Variants in MACROD2 observed in about 807,000 individuals in gnomAD.
MACROD2 encodes the protein mono-ADP ribosylhydrolase 2.
In MACROD2, 36 loss-of-function variants were observed where a neutral mutation model predicts 70.4. That is an observed-to-expected ratio of 0.51 (90% CI 0.39 to 0.68). The LOEUF (loss-of-function observed/expected upper bound fraction) is 0.68. MACROD2 is among the 30% of genes least tolerant of loss of function. The pLI, the probability that MACROD2 is intolerant of heterozygous loss-of-function variation, is 0.00. For missense variants in MACROD2, 496 were observed against 538.4 expected (o/e 0.92, Z 0.78); for synonymous variants, 172 against 178.8 (o/e 0.96, Z 0.30).
At chr20:15,609,427 A>G (rs1403415976) in intron 8 of MACROD2, among the ~76,000 whole-genome samples, 1 of 152,242 alleles carries the variant, frequency 6.6e-6, no homozygotes, top group African/African-American at 2.4e-5. Flanking sequence ...AGCTCACAGC[A>G]ATATTGGAAA....
At chr20:14,510,985 G>A (rs1383288149) in intron 4 of MACROD2, among the ~76,000 whole-genome samples, 2 of 151,930 alleles carry the variant, frequency 1.3e-5, no homozygotes, top group Non-Finnish European at 1.5e-5. Context: ...CTGCAGGTTG[G>A]TAAATGTTTT....
intron 3 of MACROD2, among the ~76,000 whole-genome samples, chr20:14,215,889 A>G (rs1477021956): frequency 6.6e-6 from 1 of 151,814 alleles, no homozygotes; most frequent in African/African-American, 2.4e-5. Flanking sequence ...ATTTGAGTTC[A>G]TTGGATATTA....
At chr20:15,280,652 T>C (rs2077435742) in intron 6 of MACROD2, 1 of 152,226 alleles carries the variant, frequency 6.6e-6, no homozygotes, top group African/African-American at 2.4e-5. Context: ...CACAAGTTAT[T>C]TCCTTGGTCT....
At chr20:14,147,902 C>T (rs866055664) in intron 3 of MACROD2, among the ~76,000 whole-genome samples, 1 of 151,648 alleles carries the variant, frequency 6.6e-6, no homozygotes, top group Non-Finnish European at 1.5e-5. Context: ...TATGCAAGTA[C>T]AGTGTCTGAA....
At chr20:15,859,138 T>C (rs1395588932) in intron 8 of MACROD2, among the ~76,000 whole-genome samples, 1 of 152,078 alleles carries the variant, frequency 6.6e-6, no homozygotes, top group Non-Finnish European at 1.5e-5. Flanking sequence ...AGAGAAAATA[T>C]ATTTACTGTT....
intron 6 of MACROD2, chr20:15,281,005 C>G (rs2077438964): frequency 6.6e-6 from 1 of 152,256 alleles, no homozygotes; most frequent in Non-Finnish European, 1.5e-5. Flanking sequence ...GCAGAAGGCA[C>G]AGGAGAAGTA....
intron 8 of MACROD2, among the ~76,000 whole-genome samples, chr20:15,697,183 G>T (rs1384696432): frequency 6.6e-6 from 1 of 152,066 alleles, no homozygotes; most frequent in Non-Finnish European, 1.5e-5. Flanking sequence ...TTTGATGAAG[G>T]CATTTAGGGC....
intron 4 of MACROD2, among the ~76,000 whole-genome samples, chr20:14,583,030 C>G (rs555586263): frequency 5.5e-4 from 83 of 151,454 alleles, no homozygotes; most frequent in African/African-American, 1.9e-3. Context: ...TGATGCAACT[C>G]TCTTGTCTGA....
intron 5 of MACROD2, among the ~76,000 whole-genome samples, chr20:15,225,479 A>G (rs1197689969): frequency 2.0e-5 from 3 of 152,192 alleles, no homozygotes; most frequent in Admixed American, 6.5e-5. Context: ...CCATCTTCAT[A>G]GTTTCTGTCA....
intron 5 of MACROD2, among the ~76,000 whole-genome samples, chr20:15,016,289 C>A (rs2075120649): frequency 6.6e-6 from 1 of 152,178 alleles, no homozygotes; most frequent in African/African-American, 2.4e-5. Flanking sequence ...TGCAGTGTAT[C>A]ACTTCTCGGT....
intron 6 of MACROD2, among the ~76,000 whole-genome samples, chr20:15,428,728 G>A (rs1163415695): frequency 6.6e-6 from 1 of 152,054 alleles, no homozygotes; most frequent in Non-Finnish European, 1.5e-5. Context: ...TTCTTATGAA[G>A]CCTCCAATGC....
chr20:14,414,263 C>A (rs1000314898), intron 3 of MACROD2, among the ~76,000 whole-genome samples: 3 of 152,138 alleles, frequency 2.0e-5, no homozygotes, highest in African/African-American at 7.2e-5. Flanking sequence ...GTCCTGTATT[C>A]GTCTCCATTT....
intron 8 of MACROD2, among the ~76,000 whole-genome samples, chr20:15,713,273 C>T (rs143214461): frequency 2.0e-5 from 3 of 152,256 alleles, no homozygotes; most frequent in South Asian, 2.1e-4. Context: ...CAAGATGCTC[C>T]GATCAGCTCT....
chr20:14,094,178 CT>C (rs1569156253), intron 3 of MACROD2, among the ~76,000 whole-genome samples: 2 of 152,062 alleles, frequency 1.3e-5, no homozygotes, highest in South Asian at 2.1e-4. Context: ...TTAAATAAGT[CT>C]GATTTTTCCC....
chr20:14,434,009 C>T (rs2084027254), intron 3 of MACROD2, among the ~76,000 whole-genome samples: 1 of 152,002 alleles, frequency 6.6e-6, no homozygotes, highest in Admixed American at 6.6e-5. Context: ...AAGTTATATG[C>T]AATTTATGGA....
At chr20:15,772,101 A>ATATATAT (rs1476065147) in intron 8 of MACROD2, among the ~76,000 whole-genome samples, 4 of 91,422 alleles carry the variant, frequency 4.4e-5, no homozygotes, top group African/African-American at 1.5e-4. Context: ...AAAAAAAAAA[A>ATATATAT]ATATATATAT....
At chr20:16,026,976 T>C (rs549074975) in intron 15 of MACROD2, among the ~76,000 whole-genome samples, 99 of 152,290 alleles carry the variant, frequency 6.5e-4, no homozygotes, top group African/African-American at 1.9e-3. Flanking sequence ...CTGGGAGTAA[T>C]TAACTCTCAG....
intron 8 of MACROD2, among the ~76,000 whole-genome samples, chr20:15,839,436 C>G (rs1334352705): frequency 6.6e-6 from 1 of 152,164 alleles, no homozygotes; most frequent in Non-Finnish European, 1.5e-5. Context: ...GGAAGTGAGG[C>G]TAAGTTAGTT....
chr20:14,350,508 G>C (rs1418749182), intron 3 of MACROD2, among the ~76,000 whole-genome samples: 1 of 152,102 alleles, frequency 6.6e-6, no homozygotes, highest in East Asian at 1.9e-4. Flanking sequence ...CTGATGATTA[G>C]TGGTGTCAAT....
Sources: allele counts gnomAD v4.1 joint callset (sites outside exome capture counted in the v4.1 genomes callset), GRCh38; gene constraint gnomAD v4.1.1; transcripts MANE v1.5; gene names NCBI Gene and HGNC (gene_info 2026-07-23, HGNC 2026-07-21).